The following CCDC7 variants were observed in gnomAD, a reference collection of about 807,000 sequenced individuals.
CCDC7 encodes the protein coiled-coil domain-containing protein 7.
CCDC7 carries 183 observed loss-of-function variants against 196.9 expected under a neutral mutation model. The ratio of observed to expected loss-of-function variants is 0.93; its 90% CI spans 0.82 to 1.05. The LOEUF (loss-of-function observed/expected upper bound fraction) is 1.05. Among genes scored for constraint, CCDC7 ranks in the 50% least tolerant of loss-of-function variants. The pLI, the probability that CCDC7 is intolerant of heterozygous loss-of-function variation, is 0.00. For missense variants in CCDC7, 1,540 were observed against 1,482.2 expected (o/e 1.04, Z -0.64); for synonymous variants, 525 against 484.6 (o/e 1.08, Z -1.10).
chr10:32,549,017 G>T (rs1229926799), intron 13 of CCDC7, among the ~76,000 whole-genome samples: 6 of 152,108 alleles, frequency 3.9e-5, no homozygotes, highest in Non-Finnish European at 7.4e-5. Flanking sequence ...GTACTAGTTT[G>T]TGTTCCCACC....
chr10:32,601,142 C>T (rs11008992), intron 18 of CCDC7, among the ~76,000 whole-genome samples: 5,576 of 152,208 alleles, frequency 0.037, 144 homozygotes, highest in Non-Finnish European at 0.049. Flanking sequence ...GCATGATCTC[C>T]GCTCACTGCA....
At chr10:32,515,419 A>C (rs55877435) in intron 9 of CCDC7, among the ~76,000 whole-genome samples, 13,427 of 152,312 alleles carry the variant, frequency 0.088, 859 homozygotes, top group East Asian at 0.33. Context: ...ATAAACCCTT[A>C]CATTTATGAA....
intron 18 of CCDC7, among the ~76,000 whole-genome samples, chr10:32,598,185 T>C (rs2060616024): frequency 6.6e-6 from 1 of 152,200 alleles, no homozygotes; most frequent in African/African-American, 2.4e-5. Flanking sequence ...TTTGTTTACC[T>C]ATTCAAGCCT....
chr10:32,825,416 T>C (rs939689889), intron 32 of CCDC7, among the ~76,000 whole-genome samples: 1 of 152,296 alleles, frequency 6.6e-6, no homozygotes, highest in South Asian at 2.1e-4. Flanking sequence ...CAGAAAAACG[T>C]GAAAAGACTA....
In CCDC7 at chr10:32,793,001, C is replaced by T. The variant is rs144815140; in HGVS notation, c.3014-12014C>T. 7.3e-3 allele frequency among the ~76,000 whole-genome samples: 1,110 copies of T among 152,194 alleles called. 7 individuals carry two copies. The highest frequency in any genetic ancestry group is 0.018 in the South Asian group (89 of 4,818). On this transcript the variant is annotated intron_variant, in intron 29 of 41. Coordinates refer to ENST00000639629, the Ensembl canonical transcript of CCDC7. ...TAGTAAGTTCTTACCTATAAATAAC[C>T]TTGAATGTAAATGGAATAAATTCTT...
chr10:32,821,897 A>C (rs1459694364), intron 31 of CCDC7, among the ~76,000 whole-genome samples: 1 of 152,154 alleles, frequency 6.6e-6, no homozygotes, highest in Admixed American at 6.5e-5. Context: ...CCAACATGGC[A>C]CATGTATACA....
chr10:32,772,295 C>T (rs1344419528), intron 28 of CCDC7, among the ~76,000 whole-genome samples: 1 of 152,166 alleles, frequency 6.6e-6, no homozygotes. Flanking sequence ...AGTTCCCACT[C>T]ATTTGGTGAG....
At chr10:32,507,718 G>A (rs2045422666) in intron 9 of CCDC7, among the ~76,000 whole-genome samples, 1 of 152,200 alleles carries the variant, frequency 6.6e-6, no homozygotes, top group Non-Finnish European at 1.5e-5. Flanking sequence ...CCAAAGTGCT[G>A]TGATTGCAGG....
chr10:32,601,728 A>G (rs2061032879), intron 18 of CCDC7, among the ~76,000 whole-genome samples: 2 of 152,038 alleles, frequency 1.3e-5, no homozygotes, highest in South Asian at 2.1e-4. Context: ...AAACTCACCA[A>G]TCAGCACTTT....
At chr10:32,578,858 A>G (rs942676214) in intron 16 of CCDC7, among the ~76,000 whole-genome samples, 2 of 152,118 alleles carry the variant, frequency 1.3e-5, no homozygotes, top group Admixed American at 6.5e-5. Context: ...CTCCAAATTT[A>G]TCTGAATAAC....
chr10:32,707,156 C>G (rs1240648189), intron 24 of CCDC7, among the ~76,000 whole-genome samples: 1 of 152,192 alleles, frequency 6.6e-6, no homozygotes, highest in East Asian at 1.9e-4. Context: ...GAATGCAAGG[C>G]TGGTTCAACA....
At chr10:32,877,694 T>C (rs185032694), downstream of CCDC7, among the ~76,000 whole-genome samples, 18 of 152,232 alleles carry the variant, frequency 1.2e-4, no homozygotes, top group Non-Finnish European at 2.5e-4. Context: ...GCTCTGCCTT[T>C]ATAGAATACT....
rs903413625 is a variant in CCDC7 at position 32,701,379 on chromosome 10, G to C, written c.2458+6387G>C. On this transcript the variant is annotated intron_variant, in intron 24 of 41. Coordinates refer to ENST00000639629, the Ensembl canonical transcript of CCDC7. ...CCAGGGATGAAGCCCATTTGATCAT[G>C]GTGGATAAGCTTTCTGATGTGCTGC... is the stretch of plus-strand genomic sequence containing the variant. Among the ~76,000 whole-genome samples the C allele has an allele frequency of 5.3e-4, 80 of 152,262 alleles. 1 individual carries two copies. The highest frequency in any genetic ancestry group is 1.8e-3 in the African/African-American group (76 of 41,544).
At position 32,828,455 on chromosome 10, in the gene CCDC7, AGAAGAAGAAGAG is replaced by A. The variant is rs1565633297; in HGVS notation, c.3268+3857_3268+3868del. On this transcript the variant is annotated intron_variant, in intron 32 of 41. Transcript: ENST00000639629. ...GGAAGGAAGGAGAAGAAGAAGAAGAAGAAGAAGAAGAGGAAGAGGAAGAGGAAGAGGAAGAAG... is the reference window on the plus strand; with the variant it reads ...GGAAGGAAGGAGAAGAAGAAGAAGAAGAAGAGGAAGAGGAAGAGGAAGAAG... Among the ~76,000 whole-genome samples the A allele has an allele frequency of 6.2e-4, 52 of 84,444 alleles. 3 individuals are homozygous for A. The highest frequency in any genetic ancestry group is 3.1e-3 in the Admixed American group (25 of 8,060). The allele number at this position is 84,444 out of a possible 152,430, so 55.4% of individuals were successfully genotyped here.
At chr10:32,808,666 C>G (rs902441957) in intron 30 of CCDC7, among the ~76,000 whole-genome samples, 12 of 134,180 alleles carry the variant, frequency 8.9e-5, no homozygotes, top group Non-Finnish European at 1.5e-4. Context: ...CCTAGGGGCC[C>G]AAGGATAGGC....
intron 33 of CCDC7, among the ~76,000 whole-genome samples, chr10:32,835,778 C>G (rs1280125342): frequency 6.6e-6 from 1 of 151,874 alleles, no homozygotes; most frequent in East Asian, 1.9e-4. Flanking sequence ...ACAACAAACC[C>G]CCATGACACA....
chr10:32,544,125 A>G (rs769219315), intron 12 of CCDC7, 122 bp from the exon 14 acceptor site: 5 of 753,930 alleles, frequency 6.6e-6, no homozygotes, highest in African/African-American at 1.8e-5. Flanking sequence ...TCTCTTAGAA[A>G]TATGAATTTT....
At chr10:32,471,887 G>C (rs925242602) in intron 6 of CCDC7, among the ~76,000 whole-genome samples, 3 of 152,116 alleles carry the variant, frequency 2.0e-5, no homozygotes, top group Non-Finnish European at 4.4e-5. Flanking sequence ...TTGGTTCAAA[G>C]ATTAAGGTTT....
chr10:32,771,747 T>C (rs923619107), intron 28 of CCDC7, among the ~76,000 whole-genome samples: 1 of 152,218 alleles, frequency 6.6e-6, no homozygotes, highest in African/African-American at 2.4e-5. Context: ...GTTGGCTTTT[T>C]TGAACACCAG....
Sources: allele counts gnomAD v4.1 joint callset (sites outside exome capture counted in the v4.1 genomes callset), GRCh38; gene constraint gnomAD v4.1.1; transcripts MANE v1.5; gene names NCBI Gene and HGNC (gene_info 2026-07-23, HGNC 2026-07-21).